Variants in SUPT3H observed in about 807,000 individuals in gnomAD.
The protein encoded by SUPT3H is transcription initiation protein SPT3 homolog.
Under a neutral mutation model 44.3 loss-of-function variants are expected in SUPT3H, and 44 were observed. That is an observed-to-expected ratio of 0.99 (90% CI 0.78 to 1.28). The LOEUF is 1.28. SUPT3H is among the 50% of genes most tolerant of loss of function. SUPT3H has a pLI of 0.00. For synonymous variants in SUPT3H, 124 were observed against 125.6 expected, an observed-to-expected ratio of 0.99 and a Z score of 0.09; for missense variants, 380 against 387.1, an observed-to-expected ratio of 0.98 and a Z score of 0.15.
chr6:45,365,994 T>C (rs138361696), intron 1 of SUPT3H, among the ~76,000 whole-genome samples: 1,724 of 152,246 alleles, frequency 0.011, 15 homozygotes, highest in Non-Finnish European at 0.019. Flanking sequence ...TCCTAATGTA[T>C]GACATTTTAT....
intron 2 of SUPT3H, among the ~76,000 whole-genome samples, chr6:45,116,172 A>G (rs1477814819): frequency 6.6e-6 from 1 of 152,120 alleles, no homozygotes; most frequent in Non-Finnish European, 1.5e-5. Flanking sequence ...TTTTCACAGC[A>G]TTTAAGGAAG....
chr6:44,857,913 A>C (rs1266050612), intron 10 of SUPT3H, among the ~76,000 whole-genome samples: 2 of 152,146 alleles, frequency 1.3e-5, no homozygotes, highest in Non-Finnish European at 2.9e-5. Flanking sequence ...TGTTCTCAGA[A>C]CACATAATGC....
chr6:45,268,128 T>C (rs1246551180), intron 2 of SUPT3H, among the ~76,000 whole-genome samples: 1 of 152,166 alleles, frequency 6.6e-6, no homozygotes, highest in Non-Finnish European at 1.5e-5. Flanking sequence ...GGTAAACACA[T>C]CAATGGAAAC....
In SUPT3H at chr6:44,877,476, A is replaced by T. The variant is rs1467035663; in HGVS notation, c.913-47619T>A. Among the ~76,000 whole-genome samples the T allele has an allele frequency of 2.6e-5, 4 of 152,062 alleles. No homozygotes were observed. In the East Asian group the frequency reaches 7.7e-4, roughly 29 times the overall value. On this transcript the variant is annotated intron_variant, in intron 10 of 10. Transcript: ENST00000371459. The stretch of plus-strand genomic sequence containing the variant: ...AGAGTGAGACTCAGTCTCAAAAAAA[A>T]AAAAAAAAAAATCCCAGTTTGTAAC...
At chr6:45,176,994 C>G (rs953294028) in intron 2 of SUPT3H, among the ~76,000 whole-genome samples, 3 of 152,168 alleles carry the variant, frequency 2.0e-5, no homozygotes, top group Non-Finnish European at 4.4e-5. Context: ...AAACTGGAAA[C>G]TCTAAAAAAC....
intron 2 of SUPT3H, among the ~76,000 whole-genome samples, chr6:45,179,591 T>C (rs1270013647): frequency 1.3e-5 from 2 of 152,158 alleles, no homozygotes; most frequent in Non-Finnish European, 2.9e-5. Flanking sequence ...AATCAATAAA[T>C]GTAATCCAGC....
chr6:45,325,835 T>C (rs145199268), intron 2 of SUPT3H, among the ~76,000 whole-genome samples: 16 of 151,988 alleles, frequency 1.1e-4, no homozygotes, highest in South Asian at 2.1e-4. Flanking sequence ...CCAGTTGTCA[T>C]TGTTTTTTAA....
chr6:45,040,362 C>T lies in SUPT3H; in HGVS notation c.187-19730G>A, dbSNP rs9463059. Among the ~76,000 whole-genome samples the T allele has an allele frequency of 1.0e-3, 159 of 152,192 alleles. 1 individual carries two copies. Among genetic ancestry groups the T allele is most frequent in the African/African-American group, 3.5e-3 (147 of 41,532 alleles). ...GCTATACTATAATGTAAAACAAAAACGAGCAGTACTGAACATGAACTTAGA... is the reference window on the plus strand; with the variant it reads ...GCTATACTATAATGTAAAACAAAAATGAGCAGTACTGAACATGAACTTAGA... On this transcript the variant is annotated intron_variant, in intron 3 of 10. Transcript: ENST00000371459.
intron 2 of SUPT3H, among the ~76,000 whole-genome samples, chr6:45,273,881 G>C (rs1776602812): frequency 6.6e-6 from 1 of 152,090 alleles, no homozygotes; most frequent in African/African-American, 2.4e-5. Context: ...TTAACCTCTA[G>C]AAAAACTGCT....
At chr6:45,016,713 T>A (rs1164435512) in intron 4 of SUPT3H, among the ~76,000 whole-genome samples, 2 of 152,080 alleles carry the variant, frequency 1.3e-5, no homozygotes, top group East Asian at 3.9e-4. Flanking sequence ...ATCGTGTATA[T>A]GTGCCACATT....
rs61444470 is a variant in SUPT3H, at chr6:44,958,735, C to T, written c.580+3018G>A. ...TTAACTATCAGCTTACCATTTCCTA[C>T]CCAACTAAACAATCATTTAAGTATG... is the stretch of plus-strand genomic sequence containing the variant. On this transcript the variant is annotated intron_variant, in intron 7 of 10. Transcript: ENST00000371459. Among the ~76,000 whole-genome samples the T allele has an allele frequency of 5.3e-3, 803 of 151,960 alleles. 5 individuals carry two copies. Among genetic ancestry groups the T allele is most frequent in the African/African-American group, 0.018 (748 of 41,408 alleles).
chr6:45,150,348 C>T (rs1483609474), intron 2 of SUPT3H, among the ~76,000 whole-genome samples: 1 of 152,000 alleles, frequency 6.6e-6, no homozygotes, highest in African/African-American at 2.4e-5. Context: ...ATCAGTCAAA[C>T]ATACATGGAA....
At chr6:45,320,137 T>C (rs1234728135) in intron 2 of SUPT3H, among the ~76,000 whole-genome samples, 4 of 152,062 alleles carry the variant, frequency 2.6e-5, no homozygotes, top group African/African-American at 7.2e-5. Flanking sequence ...ACAATATTAT[T>C]AAAAAAATTT....
At position 44,919,729 on chromosome 6, in the gene SUPT3H, A is replaced by G. The variant is rs111817238; in HGVS notation, c.912+12924T>C. Reference sequence around the variant, plus strand: ...TCTATACGGCAAATATATCTTGAATACATTTTGTCTTCTCTGGTCTCACGC... The same window carrying G: ...TCTATACGGCAAATATATCTTGAATGCATTTTGTCTTCTCTGGTCTCACGC... On this transcript the variant is annotated intron_variant, in intron 10 of 10. Transcript: ENST00000371459. Among the ~76,000 whole-genome samples the G allele has an allele frequency of 9.0e-3, 1,371 of 152,272 alleles. 14 individuals carry two copies. The highest frequency in any genetic ancestry group is 0.028 in the South Asian group (135 of 4,822).
At chr6:44,999,443 C>T (rs1278086478) in intron 6 of SUPT3H, among the ~76,000 whole-genome samples, 1 of 151,908 alleles carries the variant, frequency 6.6e-6, no homozygotes, top group Non-Finnish European at 1.5e-5. Context: ...AACAGTGAAT[C>T]ACTTTCTTCA....
chr6:44,815,378 T>A (rs547311300), intron 11 of SUPT3H, among the ~76,000 whole-genome samples: 2 of 152,284 alleles, frequency 1.3e-5, no homozygotes, highest in East Asian at 3.9e-4. Context: ...TTAGATATAG[T>A]CTAAAGAGTG....
intron 2 of SUPT3H, among the ~76,000 whole-genome samples, chr6:45,138,067 A>G (rs1026146299): frequency 2.3e-4 from 35 of 152,122 alleles, no homozygotes; most frequent in Non-Finnish European, 3.5e-4. Context: ...TGTTTCTCCA[A>G]AGAAGATATA....
At chr6:45,113,690 C>T (rs1183002134) in intron 2 of SUPT3H, among the ~76,000 whole-genome samples, 2 of 151,954 alleles carry the variant, frequency 1.3e-5, no homozygotes, top group African/African-American at 4.8e-5. Flanking sequence ...CTAGGCATGG[C>T]ATGGTGGCGC....
chr6:44,938,613 G>A (rs1264435540), intron 9 of SUPT3H, among the ~76,000 whole-genome samples: 2 of 151,986 alleles, frequency 1.3e-5, no homozygotes, highest in African/African-American at 4.8e-5. Context: ...TGTAAAAGAT[G>A]GGGTTGGTAT....
Sources: allele counts gnomAD v4.1 joint callset (sites outside exome capture counted in the v4.1 genomes callset), GRCh38; gene constraint gnomAD v4.1.1; transcripts MANE v1.5; gene names NCBI Gene and HGNC (gene_info 2026-07-23, HGNC 2026-07-21).